MSH4: variants seen among roughly 807,000 people sequenced by gnomAD.
MSH4 encodes mutS homolog 4, also known as mutS protein homolog 4.
In MSH4, 106 loss-of-function variants were observed where a neutral mutation model predicts 113.7. That is an observed-to-expected ratio of 0.93 (90% CI 0.80 to 1.10). MSH4 has a LOEUF of 1.10. MSH4 is among the 50% of genes least tolerant of loss of function. The pLI is 0.00. For missense variants in MSH4, 1,061 were observed against 1,093.7 expected (o/e 0.97, Z 0.42); for synonymous variants, 368 against 380.2 (o/e 0.97, Z 0.37).
At chr1:75,837,873 C>T (rs1048453426) in intron 7 of MSH4, among the ~76,000 whole-genome samples, 4 of 152,170 alleles carry the variant, frequency 2.6e-5, no homozygotes, top group African/African-American at 9.7e-5. Flanking sequence ...ATCCCCATGG[C>T]TGCCACTCCA....
At position 75,881,732 on chromosome 1, in the gene MSH4, A is replaced by G. The variant is rs377242981; in HGVS notation, c.1906+362A>G. Among the ~76,000 whole-genome samples the G allele has an allele frequency of 5.9e-5, 9 of 152,182 alleles. No homozygotes were observed. In the South Asian group the frequency reaches 1.2e-3, roughly 21 times the overall value. On this transcript the variant is annotated intron_variant, in intron 14 of 19. Coordinates refer to ENST00000263187, the MANE Select transcript of MSH4 (RefSeq NM_002440.4). ...GCGTGATAAACGTTAATAGAGAGAA[A>G]TGCATCTCCAGAGTGAGCATTTTAA...
chr1:75,898,678 C>G (rs1652437794), intron 18 of MSH4, among the ~76,000 whole-genome samples: 1 of 151,940 alleles, frequency 6.6e-6, no homozygotes, highest in African/African-American at 2.4e-5. Flanking sequence ...ACCACCATGC[C>G]CAGCTAGATA....
chr1:75,809,084 A>G (rs5745348), intron 3 of MSH4, among the ~76,000 whole-genome samples: 3 of 152,002 alleles, frequency 2.0e-5, no homozygotes, highest in South Asian at 4.2e-4. Context: ...TTTTTTTTGT[A>G]TAGATGGGGT....
intron 4 of MSH4, 45 bp downstream of exon 4, chr1:75,810,852 A>G (rs767620641): frequency 4.7e-6 from 4 of 859,140 alleles, no homozygotes; most frequent in Non-Finnish European, 7.1e-6. Flanking sequence ...CTAATCACTT[A>G]TTTATTTATT....
chr1:75,809,801 C>T (rs77661075), intron 3 of MSH4, among the ~76,000 whole-genome samples: 1,958 of 152,066 alleles, frequency 0.013, 44 homozygotes, highest in African/African-American at 0.045. Flanking sequence ...CATGTGCACA[C>T]CACCAAGCCT....
In MSH4 at chr1:75,881,502, A is replaced by T. The variant is rs544386710; in HGVS notation, c.1906+132A>T. The T allele has an allele frequency of 5.5e-4, 474 of 855,538 alleles. 3 individuals carry two copies. In the African/African-American group the frequency reaches 8.0e-3, roughly 14 times the overall value. 53.0% of individuals were successfully genotyped at this position (855,538 alleles called of 1,614,324 possible). On this transcript the variant is annotated intron_variant, in intron 14 of 19. Transcript: ENST00000263187. ...AGTCTCTTGCCTCTGGTCCTAGACT[A>T]AGACACAAAATAAAGAAAGTGAGAT...
chr1:75,850,534 A>T (rs1456296729), intron 8 of MSH4, among the ~76,000 whole-genome samples: 4 of 152,016 alleles, frequency 2.6e-5, no homozygotes, highest in African/African-American at 9.7e-5. Flanking sequence ...TATAATATAG[A>T]TCCTTTTAGC....
chr1:75,855,360 G>A (rs563600651), intron 8 of MSH4, among the ~76,000 whole-genome samples: 8 of 152,252 alleles, frequency 5.3e-5, no homozygotes, highest in Admixed American at 6.5e-5. Context: ...CTAAGGCTGT[G>A]TAACAAAACA....
chr1:75,910,100 C>G (rs1197302305), intron 19 of MSH4, among the ~76,000 whole-genome samples: 1 of 152,080 alleles, frequency 6.6e-6, no homozygotes, highest in East Asian at 1.9e-4. Context: ...GTTTACTCTA[C>G]TTTTCAAACT....
intron 7 of MSH4, among the ~76,000 whole-genome samples, chr1:75,835,093 C>T (rs1650799999): frequency 6.6e-6 from 1 of 152,168 alleles, no homozygotes; most frequent in Non-Finnish European, 1.5e-5. Flanking sequence ...CTTGGTCTGT[C>T]TTCCATACCT....
intron 1 of MSH4, among the ~76,000 whole-genome samples, chr1:75,799,504 G>A (rs1649890327): frequency 6.6e-6 from 1 of 152,128 alleles, no homozygotes; most frequent in African/African-American, 2.4e-5. Context: ...GACAAAAGTG[G>A]GAAAAGACAT....
chr1:75,838,071 T>C (rs998024213), intron 7 of MSH4, among the ~76,000 whole-genome samples: 1 of 152,198 alleles, frequency 6.6e-6, no homozygotes, highest in Non-Finnish European at 1.5e-5. Context: ...ACCACAAATT[T>C]AGGGGCTTAA....
At chr1:75,860,293 G>C (rs1651426810) in intron 8 of MSH4, among the ~76,000 whole-genome samples, 1 of 152,096 alleles carries the variant, frequency 6.6e-6, no homozygotes, top group East Asian at 1.9e-4. Context: ...ATCTGAATTT[G>C]ATCCTGTCAT....
At chr1:75,848,387 A>G (rs1019793628) in intron 8 of MSH4, 111 bp downstream of exon 8, 1 of 796,068 alleles carries the variant, frequency 1.3e-6, no homozygotes, top group Admixed American at 2.5e-5. Flanking sequence ...AAAGTCCTTC[A>G]TTATTGATAT....
intron 7 of MSH4, among the ~76,000 whole-genome samples, chr1:75,845,250 A>G (rs1448873587): frequency 6.6e-6 from 1 of 152,188 alleles, no homozygotes; most frequent in Non-Finnish European, 1.5e-5. Context: ...TTTCATCCCA[A>G]TAGGCCTAAA....
chr1:75,852,425 ACT>A (rs1195141792), intron 8 of MSH4, among the ~76,000 whole-genome samples: 7 of 152,082 alleles, frequency 4.6e-5, no homozygotes, highest in African/African-American at 1.4e-4. Context: ...TCATGTGATA[ACT>A]CTATGTTTAA....
chr1:75,803,523 A>G (rs1649986445), intron 1 of MSH4, among the ~76,000 whole-genome samples: 1 of 152,126 alleles, frequency 6.6e-6, no homozygotes, highest in Non-Finnish European at 1.5e-5. Context: ...AGGCTGAGGC[A>G]GGAGGATCAC....
chr1:75,824,686 A>G (rs1297981292), intron 7 of MSH4, among the ~76,000 whole-genome samples: 1 of 152,210 alleles, frequency 6.6e-6, no homozygotes, highest in Non-Finnish European at 1.5e-5. Flanking sequence ...AGCTTTCTGC[A>G]TATGTCTAGC....
chr1:75,870,424 C>T (rs1323087027), intron 9 of MSH4, among the ~76,000 whole-genome samples: 1 of 152,120 alleles, frequency 6.6e-6, no homozygotes, highest in Admixed American at 6.5e-5. Context: ...TGAGATTTGG[C>T]AGGGGCTAGG....
Sources: gnomAD v4.1 joint callset for allele counts (sites outside exome capture counted in the v4.1 genomes callset) on GRCh38, gnomAD v4.1.1 for gene constraint, MANE v1.5 for transcripts, NCBI Gene and HGNC (gene_info 2026-07-23, HGNC 2026-07-21) for gene names.